CD8B: variants seen among roughly 807,000 people sequenced by gnomAD.
CD8B encodes CD8 subunit beta.
Under a neutral mutation model 24.2 loss-of-function variants are expected in CD8B, and 6 were observed. That is an observed-to-expected ratio of 0.25 (90% CI 0.14 to 0.49). The LOEUF (loss-of-function observed/expected upper bound fraction) is 0.49, where lower values mean the gene tolerates loss of function less well. Ranked by LOEUF, CD8B falls within the 20% of genes least tolerant of loss-of-function variation. CD8B has a pLI of 0.98. For synonymous variants in CD8B, 84 were observed against 108.3 expected (o/e 0.78, Z 1.39); for missense variants, 196 against 271.3 (o/e 0.72, Z 1.95).
In CD8B at chr2:86,839,789, C is replaced by G. The variant is rs1415232879; in HGVS notation, c.*2518G>C. On this transcript the variant is annotated 3_prime_UTR_variant, in exon 6 of 6. Transcript: ENST00000390655. The stretch of plus-strand genomic sequence containing the variant: ...GGGACAAGAGGCCTTGTGGCCTGTT[C>G]TTACTTCCGCTGTGCACTGGGTGTG... 1.3e-5 allele frequency among the ~76,000 whole-genome samples: 2 copies of G among 152,240 alleles called. No individual in the cohort carries two copies. Among genetic ancestry groups the G allele is most frequent in the Non-Finnish European group, 2.9e-5 (2 of 68,046 alleles).
intron 1 of CD8B, among the ~76,000 whole-genome samples, chr2:86,859,610 C>T (rs1393779156): frequency 6.6e-6 from 1 of 152,138 alleles, no homozygotes; most frequent in African/African-American, 2.4e-5. Context: ...TAAATTAAAT[C>T]TCAAGGAGAA....
intron 5 of CD8B, among the ~76,000 whole-genome samples, chr2:86,832,141 T>G (rs1674925397): frequency 1.3e-5 from 2 of 152,110 alleles, no homozygotes; most frequent in Admixed American, 1.3e-4. Flanking sequence ...TAGGCAAATA[T>G]CAGAGGAGAA....
chr2:86,856,457 G>A (rs1676263426), intron 2 of CD8B, among the ~76,000 whole-genome samples: 1 of 152,180 alleles, frequency 6.6e-6, no homozygotes, highest in African/African-American at 2.4e-5. Flanking sequence ...GGATGCCTCA[G>A]CTTCTTGCCT....
chr2:86,847,529 T>A (rs1219418683), intron 3 of CD8B, among the ~76,000 whole-genome samples: 1 of 152,178 alleles, frequency 6.6e-6, no homozygotes, highest in African/African-American at 2.4e-5. Context: ...TTTTTATATA[T>A]ACATATAGGG....
At chr2:86,857,179 G>C (rs1164505116) in intron 2 of CD8B, among the ~76,000 whole-genome samples, 1 of 152,028 alleles carries the variant, frequency 6.6e-6, no homozygotes, top group Non-Finnish European at 1.5e-5. Context: ...GCCTGGCTCA[G>C]TCTCCTTACT....
At chr2:86,848,061 GTTTTAC>G (rs1675772879) in intron 3 of CD8B, among the ~76,000 whole-genome samples, 1 of 149,768 alleles carries the variant, frequency 6.7e-6, no homozygotes, top group South Asian at 2.1e-4. Flanking sequence ...TGTTTCCTGT[GTTTTAC>G]TTTTACAAAT....
chr2:86,836,323 C>T (rs1248692445), downstream of CD8B, among the ~76,000 whole-genome samples: 1 of 152,282 alleles, frequency 6.6e-6, no homozygotes, highest in East Asian at 1.9e-4. Context: ...CCACAGGCCT[C>T]GGCCCTGGGC....
chr2:86,822,317 A>ATACCTGTATATTCAGTATATAC, intron 5 of CD8B: 1 of 1,542,210 alleles, frequency 6.5e-7, no homozygotes, highest in Non-Finnish European at 8.9e-7. Context: ...CAAAATGTTT[A>ATACCTGTATATTCAGTATATAC]TACCTGTATA....
chr2:86,857,413 G>A (rs1437774031), intron 2 of CD8B, among the ~76,000 whole-genome samples: 2 of 152,140 alleles, frequency 1.3e-5, no homozygotes, highest in African/African-American at 2.4e-5. Context: ...GCACTGCCCT[G>A]TCCCCATAAG....
chr2:86,839,289 C>G lies in CD8B; in HGVS notation c.*3018G>C, dbSNP rs1269119236. On this transcript the variant is annotated 3_prime_UTR_variant, in exon 6 of 6. Coordinates refer to ENST00000390655, the MANE Select transcript of CD8B (RefSeq NM_004931.5). Reference sequence around the variant, plus strand: ...TTAGACTGTGTCTGAATTTATCTGACCAGTCCCTTTTGATGGACATTTGGA... The same window carrying G: ...TTAGACTGTGTCTGAATTTATCTGAGCAGTCCCTTTTGATGGACATTTGGA... 6.6e-6 allele frequency among the ~76,000 whole-genome samples: 1 copy of G among 152,224 alleles called. No individual in the cohort carries two copies. Among genetic ancestry groups the G allele is most frequent in the Non-Finnish European group, 1.5e-5 (1 of 68,052 alleles).
chr2:86,858,168 G>A lies in CD8B; in HGVS notation c.292C>T (p.Arg98Trp), dbSNP rs755618216. ...ACGCTTGTGAGATTGAGAATGAACC[G>A]GCTTGCATCCCGAAACACAGCTATC... is the stretch of plus-strand genomic sequence containing the variant. ...EKIAVFRDAS[R>W]FILNLTSVKP... The change falls in exon 2 of 6, where the codon CGG (arginine) becomes TGG (tryptophan). Residue 98 changes from arginine (R) to tryptophan (W), a missense_variant. Coordinates refer to ENST00000390655, the MANE Select transcript of CD8B (RefSeq NM_004931.5). The A allele has an allele frequency of 4.3e-6, 7 of 1,613,936 alleles. No individual in the cohort carries two copies. Among genetic ancestry groups the A allele is most frequent in the East Asian group, 2.2e-5 (1 of 44,880 alleles).
chr2:86,821,718 T>G (rs563977898), intron 5 of CD8B: 2 of 441,452 alleles, frequency 4.5e-6, no homozygotes, highest in East Asian at 1.4e-4. Flanking sequence ...GTGAACGCCT[T>G]CGGAACCCTC....
chr2:86,845,399 G>A (rs1274116585), intron 4 of CD8B, among the ~76,000 whole-genome samples: 1 of 152,188 alleles, frequency 6.6e-6, no homozygotes, highest in Non-Finnish European at 1.5e-5. Context: ...TTCCCACTGG[G>A]AGTTAGGAAG....
chr2:86,848,537 T>C (rs112483539), intron 3 of CD8B, among the ~76,000 whole-genome samples: 1,583 of 151,922 alleles, frequency 0.01, 30 homozygotes, highest in African/African-American at 0.036. Context: ...GCAGGGCCCA[T>C]GGGTGAAAGG....
At chr2:86,860,319 G>A (rs1195703941) in intron 1 of CD8B, among the ~76,000 whole-genome samples, 4 of 152,144 alleles carry the variant, frequency 2.6e-5, no homozygotes, top group East Asian at 1.9e-4. Flanking sequence ...AAACAAGAAG[G>A]AAATGATGCC....
intron 3 of CD8B, among the ~76,000 whole-genome samples, chr2:86,851,752 C>T (rs888396189): frequency 1.2e-4 from 18 of 152,098 alleles, no homozygotes; most frequent in Non-Finnish European, 2.6e-4. Context: ...GTGACTTTTG[C>T]TGGGCTGAGG....
chr2:86,840,198 G>C lies in CD8B; in HGVS notation c.*2109C>G, dbSNP rs1233613403. Among the ~76,000 whole-genome samples, 1 of 151,978 alleles carries C rather than the reference G, an allele frequency of 6.6e-6. No individual in the cohort carries two copies. The highest frequency in any genetic ancestry group is 2.4e-5 in the African/African-American group (1 of 41,376). On this transcript the variant is annotated 3_prime_UTR_variant, in exon 6 of 6. Transcript: ENST00000390655. The stretch of plus-strand genomic sequence containing the variant: ...TGGGTCTGGGGGCAGGGCATCTAAG[G>C]CCAATTCGTGCTGAATGAAGGAGAA...
At chr2:86,834,957 A>C (rs1262184156), downstream of CD8B, among the ~76,000 whole-genome samples, 3 of 148,920 alleles carry the variant, frequency 2.0e-5, no homozygotes, top group Non-Finnish European at 4.5e-5. Flanking sequence ...AAAAAAAAAA[A>C]AAAGACAAGC....
rs74749657 is a variant in CD8B, at chr2:86,856,257, G to A, written c.403+1800C>T. ...GAGTGAGTGCGGTTGGGATGGAGGC[G>A]GTGGGAAGCTCTGGAAACTAGCTGT... On this transcript the variant is annotated intron_variant, in intron 2 of 5. Transcript: ENST00000390655. Among the ~76,000 whole-genome samples the A allele has an allele frequency of 6.1e-4, 93 of 152,272 alleles. 1 individual carries two copies. In the East Asian group the frequency reaches 0.015, roughly 24 times the overall value.
Sources: gnomAD v4.1 joint callset for allele counts (sites outside exome capture counted in the v4.1 genomes callset) on GRCh38, gnomAD v4.1.1 for gene constraint, MANE v1.5 for transcripts, NCBI Gene and HGNC (gene_info 2026-07-23, HGNC 2026-07-21) for gene names.